NEK10: variants seen among roughly 807,000 people sequenced by gnomAD.
NEK10 encodes serine/threonine-protein kinase Nek10.
In NEK10, 122 loss-of-function variants were observed where a neutral mutation model predicts 159.8. The ratio of observed to expected loss-of-function variants is 0.76; its 90% CI spans 0.66 to 0.89. The LOEUF is 0.89. Among genes scored for constraint, NEK10 ranks in the 40% least tolerant of loss-of-function variants. NEK10 has a pLI of 0.00. For synonymous variants in NEK10, 466 were observed against 457.1 expected, an observed-to-expected ratio of 1.02 and a Z score of -0.25; for missense variants, 1,342 against 1,323.1, an observed-to-expected ratio of 1.01 and a Z score of -0.22.
At chr3:27,162,864 T>C in intron 29 of NEK10, 126 bp from the exon 30 acceptor site, 5 of 1,263,660 alleles carry the variant, frequency 4.0e-6, no homozygotes, top group Non-Finnish European at 5.5e-6. Flanking sequence ...CAAGATGCTC[T>C]CAAGAGTTTA....
intron 5 of NEK10, among the ~76,000 whole-genome samples, chr3:27,333,092 C>A (rs2046540691): frequency 6.6e-6 from 1 of 152,118 alleles, no homozygotes; most frequent in African/African-American, 2.4e-5. Context: ...AAGTGGCAGG[C>A]AATACCTAAA....
chr3:27,261,626 G>A (rs978412266), intron 22 of NEK10, among the ~76,000 whole-genome samples: 12 of 152,184 alleles, frequency 7.9e-5, no homozygotes, highest in Non-Finnish European at 2.9e-5. Context: ...ATTTGCTGAG[G>A]AGTGCTTTAC....
chr3:27,116,547 G>A (rs994677959), intron 33 of NEK10, among the ~76,000 whole-genome samples: 3 of 152,110 alleles, frequency 2.0e-5, no homozygotes, highest in African/African-American at 7.2e-5. Context: ...CTTACAGGGA[G>A]GCAGATACAG....
chr3:27,127,337 A>G (rs780701159), intron 32 of NEK10, among the ~76,000 whole-genome samples: 4 of 152,188 alleles, frequency 2.6e-5, no homozygotes, highest in Non-Finnish European at 5.9e-5. Context: ...ACTGTCATGC[A>G]CTGCTTAACA....
chr3:27,356,938 A>C lies in NEK10; in HGVS notation c.-37-4019T>G, dbSNP rs146230783. Among the ~76,000 whole-genome samples the C allele has an allele frequency of 2.6e-5, 4 of 152,348 alleles. No individual in the cohort carries two copies. The East Asian group carries it at 7.7e-4, about 29-fold the overall frequency. ...TAGAACAGCACATAGTGCATGACAC[A>C]GTGTAAGCATGGCATAAGCCCTCAA... On this transcript the variant is annotated intron_variant, in intron 1 of 35. Transcript: ENST00000691995.
At chr3:27,140,892 C>T (rs1440653538) in intron 31 of NEK10, among the ~76,000 whole-genome samples, 3 of 152,146 alleles carry the variant, frequency 2.0e-5, no homozygotes, top group Non-Finnish European at 4.4e-5. Flanking sequence ...AGGTCTTCTG[C>T]ACTTCTTTGT....
chr3:27,155,923 G>A (rs945330316), intron 30 of NEK10, among the ~76,000 whole-genome samples: 3 of 152,058 alleles, frequency 2.0e-5, no homozygotes, highest in African/African-American at 7.2e-5. Flanking sequence ...AAACAGCATG[G>A]TACTGGTATA....
At chr3:27,288,844 C>A (rs487930) in intron 19 of NEK10, among the ~76,000 whole-genome samples, 95,298 of 151,994 alleles carry the variant, frequency 0.63, 31,836 homozygotes, top group African/African-American at 0.88. Flanking sequence ...TCTTTCTGCA[C>A]GTCTTTTTGA....
At chr3:27,312,413 A>G (rs1483964341) in intron 7 of NEK10, among the ~76,000 whole-genome samples, 1 of 152,340 alleles carries the variant, frequency 6.6e-6, no homozygotes, top group East Asian at 1.9e-4. Flanking sequence ...TCAAGACTCT[A>G]TAAACTCTCA....
chr3:27,259,436 T>C (rs1055969630), intron 22 of NEK10, among the ~76,000 whole-genome samples: 1 of 152,220 alleles, frequency 6.6e-6, no homozygotes, highest in Non-Finnish European at 1.5e-5. Context: ...TTTCTACATA[T>C]GGCTAGCGAG....
chr3:27,112,774 C>T (rs952673250), intron 35 of NEK10, among the ~76,000 whole-genome samples: 2 of 152,140 alleles, frequency 1.3e-5, no homozygotes, highest in African/African-American at 2.4e-5. Context: ...CTTTATTTTT[C>T]AGAGACTATC....
rs1942666561 is a variant in NEK10, at chr3:27,131,930, G to A, written c.3031C>T (p.Leu1011Phe). ...CAAGGGTTACTCTGCTGGCTGAAGA[G>A]GGATTTCTTGAATCTCTCTATAACC... Reference protein sequence around the residue: ...RRVIERFKKSLFSQQSNPCNL... With the variant: ...RRVIERFKKSFFSQQSNPCNL... The change falls in exon 32 of 36, where the codon CTC becomes TTC. Residue 1011 changes from leucine (L) to phenylalanine (F), a missense_variant. Physicochemically the swap from Leu to Phe is conservative, Grantham distance 22. Transcript: ENST00000691995. The A allele has an allele frequency of 6.2e-7, 1 of 1,608,982 alleles. No individual in the cohort carries two copies. Among genetic ancestry groups the A allele is most frequent in the East Asian group, 2.2e-5 (1 of 44,762 alleles).
rs1299812125 is a variant in NEK10, at chr3:27,108,783, C to G, written c.*2489G>C. 6.6e-6 allele frequency among the ~76,000 whole-genome samples: 1 copy of G among 152,074 alleles called. No homozygotes were observed. The highest frequency in any genetic ancestry group is 1.5e-5 in the Non-Finnish European group (1 of 68,026). On this transcript the variant is annotated 3_prime_UTR_variant, in exon 36 of 36. Transcript: ENST00000691995. ...ATTCTTGGTCATGAGGGGAGGTGCTCCATATTTGTGTTAGAAAGGCTTCTG... is the reference window on the plus strand; with the variant it reads ...ATTCTTGGTCATGAGGGGAGGTGCTGCATATTTGTGTTAGAAAGGCTTCTG...
chr3:27,131,740 C>A, intron 32 of NEK10, 140 bp downstream of exon 32: 1 of 428,336 alleles, frequency 2.3e-6, no homozygotes, highest in Non-Finnish European at 4.2e-6. Flanking sequence ...AAAGACATAT[C>A]CTCAATTTAG....
intron 22 of NEK10, among the ~76,000 whole-genome samples, chr3:27,259,946 G>T (rs1261190871): frequency 6.6e-6 from 1 of 152,132 alleles, no homozygotes; most frequent in Non-Finnish European, 1.5e-5. Flanking sequence ...TCCCTTGTAA[G>T]TTGGATTCCT....
At chr3:27,335,066 C>T (rs543337278) in intron 5 of NEK10, among the ~76,000 whole-genome samples, 9 of 152,214 alleles carry the variant, frequency 5.9e-5, no homozygotes, top group African/African-American at 1.2e-4. Flanking sequence ...TGGCTGGGCA[C>T]GGTGGCTCAC....
chr3:27,366,521 T>C (rs2049099997), intron 1 of NEK10, among the ~76,000 whole-genome samples: 1 of 152,180 alleles, frequency 6.6e-6, no homozygotes, highest in South Asian at 2.1e-4. Flanking sequence ...AGAGTAACAT[T>C]CCAGGCCCTT....
intron 13 of NEK10, among the ~76,000 whole-genome samples, chr3:27,298,162 G>T (rs1037225397): frequency 3.9e-5 from 6 of 152,074 alleles, no homozygotes; most frequent in African/African-American, 1.4e-4. Flanking sequence ...TGGTTTGGCT[G>T]TGTCCCCACC....
intron 22 of NEK10, chr3:27,265,664 C>T (rs1899998): frequency 0.63 from 96,579 of 152,114 alleles, 33,044 homozygotes; most frequent in African/African-American, 0.91. Context: ...TTTTAGTATA[C>T]ATGCTGGCAC....
Sources: gnomAD v4.1 joint callset for allele counts (sites outside exome capture counted in the v4.1 genomes callset) on GRCh38, gnomAD v4.1.1 for gene constraint, MANE v1.5 for transcripts, NCBI Gene and HGNC (gene_info 2026-07-23, HGNC 2026-07-21) for gene names.